DLGAP2: variants seen among roughly 807,000 people sequenced by gnomAD.
DLGAP2 encodes the protein DLG associated protein 2.
Under a neutral mutation model 100.3 loss-of-function variants are expected in DLGAP2, and 26 were observed. That is an observed-to-expected ratio of 0.26 (90% CI 0.19 to 0.36). DLGAP2 has a LOEUF of 0.36. Ranked by LOEUF, DLGAP2 falls within the 10% of genes least tolerant of loss-of-function variation. The pLI is 1.00. For missense variants in DLGAP2, 1,858 were observed against 1,453.2 expected, an observed-to-expected ratio of 1.28 and a Z score of -4.53; for synonymous variants, 886 against 630.1, an observed-to-expected ratio of 1.41 and a Z score of -6.08.
intron 3 of DLGAP2, among the ~76,000 whole-genome samples, chr8:1,488,860 G>C (rs1799297492): frequency 6.6e-6 from 1 of 152,196 alleles, no homozygotes; most frequent in Non-Finnish European, 1.5e-5. Flanking sequence ...AGATAGTGGG[G>C]CATGCAGGGG....
chr8:1,278,919 G>T (rs761405467), intron 3 of DLGAP2, among the ~76,000 whole-genome samples: 25 of 152,186 alleles, frequency 1.6e-4, no homozygotes, highest in Non-Finnish European at 3.2e-4. Context: ...ATGTCCTTCA[G>T]ATTGTTGAAC....
intron 2 of DLGAP2, among the ~76,000 whole-genome samples, chr8:943,748 C>T (rs1799250460): frequency 6.6e-6 from 1 of 152,250 alleles, no homozygotes; most frequent in Admixed American, 6.5e-5. Context: ...CAGCGAGAAC[C>T]GCTCTGTACA....
At chr8:1,444,771 C>CTTTTTTTTTT (rs914045708) in intron 3 of DLGAP2, among the ~76,000 whole-genome samples, 2 of 79,852 alleles carry the variant, frequency 2.5e-5, no homozygotes, top group Non-Finnish European at 2.2e-5. Flanking sequence ...CCAGGTCATT[C>CTTTTTTTTTT]TTTTTTTTTT....
At chr8:1,029,014 C>G (rs1046509862) in intron 2 of DLGAP2, among the ~76,000 whole-genome samples, 1 of 152,188 alleles carries the variant, frequency 6.6e-6, no homozygotes, top group Middle Eastern at 3.4e-3. Context: ...GGCGAGGGAT[C>G]CAAGCTGTCC....
At chr8:1,648,131 T>G (rs533899538) in intron 8 of DLGAP2, among the ~76,000 whole-genome samples, 1 of 152,236 alleles carries the variant, frequency 6.6e-6, no homozygotes, top group South Asian at 2.1e-4. Flanking sequence ...AACGTATGAG[T>G]GAGTGATTTG....
chr8:1,453,481 G>C (rs1798219486), intron 3 of DLGAP2, among the ~76,000 whole-genome samples: 1 of 152,170 alleles, frequency 6.6e-6, no homozygotes, highest in Non-Finnish European at 1.5e-5. Flanking sequence ...GTATGCTGGA[G>C]TGTTGGCGTG....
chr8:1,607,474 A>G (rs1009511579), intron 6 of DLGAP2, among the ~76,000 whole-genome samples: 2 of 152,272 alleles, frequency 1.3e-5, no homozygotes, highest in African/African-American at 4.8e-5. Flanking sequence ...ATCTTTTCTT[A>G]GAAATACATT....
chr8:1,226,879 G>T (rs779886746), intron 2 of DLGAP2, among the ~76,000 whole-genome samples: 3 of 151,986 alleles, frequency 2.0e-5, no homozygotes, highest in African/African-American at 7.3e-5. Context: ...AAATGTTAGT[G>T]CAGAGAAAAG....
At chr8:737,893 G>A (rs1220385282) in intron 1 of DLGAP2, 68 bp downstream of exon 1, 2 of 368,554 alleles carry the variant, frequency 5.4e-6, no homozygotes, top group Non-Finnish European at 9.7e-6. Context: ...CGGGGAGGGC[G>A]CGGTGTGTCG....
intron 4 of DLGAP2, among the ~76,000 whole-genome samples, chr8:1,525,165 C>T (rs897040162): frequency 8.0e-5 from 12 of 149,410 alleles, no homozygotes; most frequent in East Asian, 7.8e-4. Context: ...AAGCAATTCA[C>T]CGGTGTGTCT....
chr8:1,326,641 C>T (rs567226751), intron 3 of DLGAP2, among the ~76,000 whole-genome samples: 2 of 151,970 alleles, frequency 1.3e-5, no homozygotes, highest in East Asian at 1.9e-4. Context: ...ACTCAGGACA[C>T]GGCGAGCTCT....
intron 2 of DLGAP2, among the ~76,000 whole-genome samples, chr8:1,156,245 C>T (rs1449146236): frequency 6.6e-6 from 1 of 152,126 alleles, no homozygotes; most frequent in Non-Finnish European, 1.5e-5. Context: ...ACCCAGGACC[C>T]GGGTAGGTCT....
intron 1 of DLGAP2, among the ~76,000 whole-genome samples, chr8:748,822 G>C (rs918334942): frequency 6.6e-6 from 1 of 152,188 alleles, no homozygotes; most frequent in African/African-American, 2.4e-5. Context: ...TGAAACCCCG[G>C]GGTTACTGCT....
chr8:835,401 C>G (rs909161879), intron 1 of DLGAP2, among the ~76,000 whole-genome samples: 1 of 151,932 alleles, frequency 6.6e-6, no homozygotes, highest in Non-Finnish European at 1.5e-5. Context: ...CAAAACGTGA[C>G]GACATCGCTC....
At chr8:1,306,343 G>T in intron 3 of DLGAP2, among the ~76,000 whole-genome samples, 1 of 151,920 alleles carries the variant, frequency 6.6e-6, no homozygotes, top group East Asian at 1.9e-4. Context: ...TTATAATCGT[G>T]TCAAAAAAAC....
At chr8:1,330,511 G>GGGGACTGAGTTCTGGGT (rs1801128471) in intron 3 of DLGAP2, among the ~76,000 whole-genome samples, 3 of 135,112 alleles carry the variant, frequency 2.2e-5, no homozygotes, top group East Asian at 2.4e-4. Flanking sequence ...ACCGCTTCAC[G>GGGGACTGAGTTCTGGGT]GGGACTGAGT....
At chr8:1,374,550 C>T (rs1399519803) in intron 3 of DLGAP2, among the ~76,000 whole-genome samples, 2 of 152,176 alleles carry the variant, frequency 1.3e-5, no homozygotes, top group Non-Finnish European at 2.9e-5. Flanking sequence ...TGGATTTGTT[C>T]AGGCTGTGCT....
intron 1 of DLGAP2, among the ~76,000 whole-genome samples, chr8:903,018 TG>T (rs1386848760): frequency 1.9e-4 from 1 of 5,276 alleles, no homozygotes; most frequent in African/African-American, 7.8e-4. Flanking sequence ...TGGGCAGGGG[TG>T]GGGGGTGGAA....
chr8:793,720 C>G (rs1795968113), intron 1 of DLGAP2, among the ~76,000 whole-genome samples: 1 of 152,240 alleles, frequency 6.6e-6, no homozygotes, highest in South Asian at 2.1e-4. Flanking sequence ...AGCTCACAGA[C>G]TTTCTCTTCT....
Sources: gnomAD v4.1 joint callset for allele counts (sites outside exome capture counted in the v4.1 genomes callset) on GRCh38, gnomAD v4.1.1 for gene constraint, MANE v1.5 for transcripts, NCBI Gene and HGNC (gene_info 2026-07-23, HGNC 2026-07-21) for gene names.